The following GPC5 variants were observed in gnomAD, a reference collection of about 807,000 sequenced individuals.
The protein encoded by GPC5 is glypican-5.
A neutral mutation model predicts 53.9 loss-of-function variants in GPC5; 47 were observed. The ratio of observed to expected loss-of-function variants is 0.87; its 90% CI spans 0.69 to 1.11. The LOEUF (loss-of-function observed/expected upper bound fraction) is 1.11. Among genes scored for constraint, GPC5 ranks in the 50% most tolerant of loss-of-function variants. GPC5 has a pLI of 0.00. For missense variants in GPC5, 748 were observed against 713.1 expected, an observed-to-expected ratio of 1.05 and a Z score of -0.56; for synonymous variants, 286 against 263.3, an observed-to-expected ratio of 1.09 and a Z score of -0.84.
At chr13:92,734,769 A>G (rs1485208902) in intron 7 of GPC5, among the ~76,000 whole-genome samples, 2 of 151,924 alleles carry the variant, frequency 1.3e-5, no homozygotes, top group African/African-American at 4.8e-5. Flanking sequence ...GATTTAGTTT[A>G]GGTGCCTTTC....
chr13:92,043,919 C>T (rs2040961211), intron 6 of GPC5, among the ~76,000 whole-genome samples: 1 of 152,174 alleles, frequency 6.6e-6, no homozygotes, highest in Admixed American at 6.5e-5. Flanking sequence ...TTATAGGGTA[C>T]ATATGCAATT....
chr13:92,426,770 G>A (rs1876852776), intron 7 of GPC5, among the ~76,000 whole-genome samples: 1 of 151,936 alleles, frequency 6.6e-6, no homozygotes, highest in South Asian at 2.1e-4. Flanking sequence ...TATGGATGGA[G>A]GACAGAGGGC....
intron 7 of GPC5, among the ~76,000 whole-genome samples, chr13:92,520,657 A>C (rs1046412371): frequency 1.3e-5 from 2 of 152,164 alleles, no homozygotes; most frequent in Admixed American, 1.3e-4. Context: ...GTTTATGACA[A>C]ACCCACAGCC....
chr13:91,889,438 C>A (rs190327543), intron 5 of GPC5, among the ~76,000 whole-genome samples: 8 of 151,208 alleles, frequency 5.3e-5, no homozygotes, highest in Non-Finnish European at 1.2e-4. Context: ...TTTAAGTTTA[C>A]ATTGTTTGCT....
intron 6 of GPC5, among the ~76,000 whole-genome samples, chr13:91,964,257 G>T (rs564042303): frequency 6.6e-6 from 1 of 152,308 alleles, no homozygotes; most frequent in South Asian, 2.1e-4. Flanking sequence ...TGCAAACAGT[G>T]AAAGAACAAA....
At chr13:92,594,983 T>C (rs560782705) in intron 7 of GPC5, among the ~76,000 whole-genome samples, 39 of 152,306 alleles carry the variant, frequency 2.6e-4, no homozygotes, top group Admixed American at 2.5e-3. Context: ...GTGTGGTGAG[T>C]ATAAGACCTG....
intron 5 of GPC5, 120 bp downstream of exon 5, chr13:91,756,540 C>T (rs2037297179): frequency 4.8e-6 from 4 of 825,862 alleles, no homozygotes; most frequent in East Asian, 2.8e-5. Context: ...ACATTAAATA[C>T]TTATCTTTAG....
At chr13:91,835,797 TG>T (rs1408712084) in intron 5 of GPC5, among the ~76,000 whole-genome samples, 1 of 151,946 alleles carries the variant, frequency 6.6e-6, no homozygotes, top group African/African-American at 2.4e-5. Context: ...GAAGGGTTGA[TG>T]GGTGCAGCAA....
At chr13:92,456,548 G>A (rs1878274612) in intron 7 of GPC5, among the ~76,000 whole-genome samples, 1 of 152,096 alleles carries the variant, frequency 6.6e-6, no homozygotes, top group African/African-American at 2.4e-5. Flanking sequence ...ATGAAAATTT[G>A]GAACTCCTTG....
intron 5 of GPC5, among the ~76,000 whole-genome samples, chr13:91,862,301 A>G (rs1417517599): frequency 6.6e-6 from 1 of 152,190 alleles, no homozygotes; most frequent in Non-Finnish European, 1.5e-5. Flanking sequence ...ATATATAGAA[A>G]TGAACCTGAT....
intron 2 of GPC5, among the ~76,000 whole-genome samples, chr13:91,470,275 G>GCT (rs1349789791): frequency 6.6e-6 from 1 of 152,052 alleles, no homozygotes; most frequent in East Asian, 1.9e-4. Context: ...CCTTCAGACA[G>GCT]CTCTCTACAA....
intron 2 of GPC5, among the ~76,000 whole-genome samples, chr13:91,532,067 T>G (rs550648748): frequency 1.3e-5 from 2 of 152,118 alleles, no homozygotes; most frequent in Non-Finnish European, 2.9e-5. Context: ...AACAAGTGAT[T>G]GTAAGAAACT....
intron 7 of GPC5, among the ~76,000 whole-genome samples, chr13:92,694,207 T>C (rs1887495062): frequency 6.6e-6 from 1 of 152,208 alleles, no homozygotes; most frequent in Non-Finnish European, 1.5e-5. Context: ...AGGGCCCTCA[T>C]GGAGAACCTC....
rs377569234 is a variant in GPC5 at position 92,235,058 on chromosome 13, G to A, written c.1561+90069G>A. Among the ~76,000 whole-genome samples, 21 of 152,238 alleles carry A rather than the reference G, an allele frequency of 1.4e-4. No homozygotes were observed. In the South Asian group the frequency reaches 4.3e-3, roughly 32 times the overall value. ...TTAAAATGTGTTTTATAAATTTAAAGTATGAAGTCAACCAATTGACATGAA... is the reference window on the plus strand; with the variant it reads ...TTAAAATGTGTTTTATAAATTTAAAATATGAAGTCAACCAATTGACATGAA... On this transcript the variant is annotated intron_variant, in intron 7 of 7. Coordinates refer to ENST00000377067, the MANE Select transcript of GPC5 (RefSeq NM_004466.6).
intron 5 of GPC5, among the ~76,000 whole-genome samples, chr13:91,795,685 G>C (rs1203454461): frequency 1.3e-5 from 2 of 152,076 alleles, no homozygotes; most frequent in Non-Finnish European, 2.9e-5. Context: ...TAGCTTGCGA[G>C]TATACTTGGT....
intron 7 of GPC5, among the ~76,000 whole-genome samples, chr13:92,475,764 GA>G (rs1879095815): frequency 6.6e-6 from 1 of 151,996 alleles, no homozygotes; most frequent in Non-Finnish European, 1.5e-5. Context: ...TTTGACCTGA[GA>G]AAACCTGAGA....
intron 7 of GPC5, among the ~76,000 whole-genome samples, chr13:92,817,428 G>T (rs1303594433): frequency 6.6e-6 from 1 of 151,828 alleles, no homozygotes; most frequent in Non-Finnish European, 1.5e-5. Flanking sequence ...ATGTTACTAT[G>T]ACATTAAGAC....
At position 91,478,881 on chromosome 13, in the gene GPC5, TTATA is replaced by T. The variant is rs71113743; in HGVS notation, c.325+29977_325+29980del. Among the ~76,000 whole-genome samples the T allele has an allele frequency of 3.0e-5, 2 of 67,516 alleles. 1 individual carries two copies. The highest frequency in any genetic ancestry group is 3.9e-4 in the Admixed American group (2 of 5,076). The allele number at this position is 67,516 out of a possible 152,430, so 44.3% of individuals were successfully genotyped here. On this transcript the variant is annotated intron_variant, in intron 2 of 7. Transcript: ENST00000377067. The stretch of plus-strand genomic sequence containing the variant: ...ATATACACACACATATATATACACA[TTATA>T]TATATATATATATATATGCACATAT...
At chr13:91,662,599 C>A (rs1594396301) in intron 2 of GPC5, among the ~76,000 whole-genome samples, 1 of 152,232 alleles carries the variant, frequency 6.6e-6, no homozygotes, top group East Asian at 1.9e-4. Flanking sequence ...ATTTAGATAT[C>A]TAATCTTGTT....
Sources: allele counts gnomAD v4.1 joint callset (sites outside exome capture counted in the v4.1 genomes callset), GRCh38; gene constraint gnomAD v4.1.1; transcripts MANE v1.5; gene names NCBI Gene and HGNC (gene_info 2026-07-23, HGNC 2026-07-21).